The following AMPH variants were observed in gnomAD, a reference collection of about 807,000 sequenced individuals.
AMPH encodes the protein amphiphysin (Stiff-Mann syndrome with breast cancer 128kD autoantigen).
A neutral mutation model predicts 99.1 loss-of-function variants in AMPH; 49 were observed. The ratio of observed to expected loss-of-function variants is 0.49; its 90% CI spans 0.39 to 0.63. The LOEUF (loss-of-function observed/expected upper bound fraction) is 0.63. AMPH is among the 20% of genes least tolerant of loss of function. The pLI is 0.00. For synonymous variants in AMPH, 314 were observed against 317.3 expected (o/e 0.99, Z 0.11); for missense variants, 759 against 863.4 (o/e 0.88, Z 1.52).
Position 38,406,834 on chromosome 7 carries a change from ACCAGTGGCCT to A in AMPH, c.1398+10981_1398+10990del, listed in dbSNP as rs1476820044. 3.6e-5 allele frequency among the ~76,000 whole-genome samples: 5 copies of A among 140,508 alleles called. No homozygotes were observed. The East Asian group carries it at 1.1e-3, about 30-fold the overall frequency. 92.2% of individuals were successfully genotyped at this position (140,508 alleles called of 152,430 possible). On this transcript the variant is annotated intron_variant, in intron 17 of 20. Coordinates refer to ENST00000356264, the MANE Select transcript of AMPH (RefSeq NM_001635.4). ...AAAACTCAAGGTTTTGGGACTTAAC[ACCAGTGGCCT>A]CTTGGGGGTTCTCAGGCCTTTGGCA... is the stretch of plus-strand genomic sequence containing the variant.
chr7:38,388,407 A>G (rs1180865637), intron 20 of AMPH, among the ~76,000 whole-genome samples: 1 of 151,964 alleles, frequency 6.6e-6, no homozygotes, highest in African/African-American at 2.4e-5. Context: ...TCCTCTCAAA[A>G]ACCTACTTTC....
chr7:38,558,175 C>A (rs974493133), intron 1 of AMPH, among the ~76,000 whole-genome samples: 1 of 152,174 alleles, frequency 6.6e-6, no homozygotes, highest in Non-Finnish European at 1.5e-5. Context: ...AAAGAATCTT[C>A]CTGAACACTC....
At chr7:38,615,031 C>T (rs969019427) in intron 1 of AMPH, among the ~76,000 whole-genome samples, 48 of 152,106 alleles carry the variant, frequency 3.2e-4, no homozygotes, top group Admixed American at 3.9e-4. Flanking sequence ...GGAATTACTC[C>T]CCTACACTAC....
chr7:38,477,279 A>T (rs1260111488), intron 5 of AMPH, among the ~76,000 whole-genome samples: 2 of 152,104 alleles, frequency 1.3e-5, no homozygotes, highest in Non-Finnish European at 1.5e-5. Flanking sequence ...GAGAAGGCAA[A>T]ACTATACTCA....
chr7:38,558,935 C>T (rs574712678), intron 1 of AMPH, among the ~76,000 whole-genome samples: 4 of 152,332 alleles, frequency 2.6e-5, no homozygotes, highest in African/African-American at 9.6e-5. Flanking sequence ...CTTGTAGTCA[C>T]TCCTTTTAAT....
intron 1 of AMPH, among the ~76,000 whole-genome samples, chr7:38,549,717 T>C (rs892831537): frequency 6.6e-6 from 1 of 152,160 alleles, no homozygotes; most frequent in Non-Finnish European, 1.5e-5. Flanking sequence ...CTGTAAGGTA[T>C]TAGAAAAATC....
intron 10 of AMPH, among the ~76,000 whole-genome samples, chr7:38,462,206 T>A (rs1787475611): frequency 1.3e-5 from 2 of 152,202 alleles, no homozygotes. Flanking sequence ...TAGGCTAATG[T>A]TAAGCGTTCT....
intron 1 of AMPH, among the ~76,000 whole-genome samples, chr7:38,608,694 G>C (rs1468287185): frequency 6.6e-6 from 1 of 152,150 alleles, no homozygotes; most frequent in Non-Finnish European, 1.5e-5. Flanking sequence ...AGAAGGCTGA[G>C]GGCTGCAAGA....
chr7:38,481,219 C>G (rs1303683313), intron 5 of AMPH, among the ~76,000 whole-genome samples: 1 of 151,828 alleles, frequency 6.6e-6, no homozygotes, highest in Non-Finnish European at 1.5e-5. Flanking sequence ...CCCAAATCTC[C>G]TAAATAAGGG....
At position 38,417,888 on chromosome 7, in the gene AMPH, T is replaced by A. The variant is rs199697871; in HGVS notation, c.1335A>T (p.Thr445=). ...TTCCAAGGTCCAGACCAACGGCAGG[T>A]GTGACAGCAGCCAGAGGCTCCTCTG... ...PKAEEPLAAV[T]PAVGLDLGMD... Residue 445 remains threonine (T), a synonymous_variant, in exon 17 of 21, where the codon ACA becomes ACT. Transcript: ENST00000356264. 5.0e-6 allele frequency: 8 copies of A among 1,610,314 alleles called. No individual in the cohort carries two copies. The highest frequency in any genetic ancestry group is 6.8e-6 in the Non-Finnish European group (8 of 1,178,858).
chr7:38,525,277 T>TATATATAGAGAGAGAG (rs1481528083), intron 2 of AMPH, among the ~76,000 whole-genome samples: 17 of 86,650 alleles, frequency 2.0e-4, no homozygotes, highest in African/African-American at 7.1e-4. Flanking sequence ...TATATATATA[T>TATATATAGAGAGAGAG]AGAGAGAGAG....
intron 1 of AMPH, among the ~76,000 whole-genome samples, chr7:38,613,074 T>G (rs1470676778): frequency 1.3e-5 from 2 of 152,154 alleles, no homozygotes; most frequent in African/African-American, 2.4e-5. Flanking sequence ...ATTTTCTGCA[T>G]TTTGCTAAAG....
Position 38,571,171 on chromosome 7 carries a change from A to T in AMPH, c.70-36160T>A, listed in dbSNP as rs1207802604. ...TTTATGAATATATATATTTTTATAT[A>T]TTTTTATATATGAATATATATATTT... On this transcript the variant is annotated intron_variant, in intron 1 of 20. Coordinates refer to ENST00000356264, the MANE Select transcript of AMPH (RefSeq NM_001635.4). Among the ~76,000 whole-genome samples the T allele has an allele frequency of 7.7e-4, 73 of 94,660 alleles. 9 individuals are homozygous for T. The highest frequency in any genetic ancestry group is 3.1e-3 in the African/African-American group (71 of 22,714). 62.1% of individuals were successfully genotyped at this position (94,660 alleles called of 152,430 possible).
intron 1 of AMPH, among the ~76,000 whole-genome samples, chr7:38,541,050 AC>A (rs1319401363): frequency 6.6e-6 from 1 of 151,082 alleles, no homozygotes; most frequent in Non-Finnish European, 1.5e-5. Context: ...AAAGAAGAGC[AC>A]ATAAAATAAT....
intron 1 of AMPH, among the ~76,000 whole-genome samples, chr7:38,559,516 G>C (rs1424307103): frequency 2.0e-5 from 3 of 152,212 alleles, no homozygotes. Flanking sequence ...GGATCCCTGA[G>C]TCAGACTATA....
At chr7:38,582,068 T>C (rs1319304827) in intron 1 of AMPH, among the ~76,000 whole-genome samples, 1 of 152,090 alleles carries the variant, frequency 6.6e-6, no homozygotes, top group Non-Finnish European at 1.5e-5. Flanking sequence ...GGTTGAATGA[T>C]GTCCCCACAG....
At chr7:38,423,043 TGA>T (rs1351380725) in intron 15 of AMPH, among the ~76,000 whole-genome samples, 2 of 152,238 alleles carry the variant, frequency 1.3e-5, no homozygotes, top group Non-Finnish European at 2.9e-5. Flanking sequence ...CAGAATACTA[TGA>T]GAGTCATTAA....
Position 38,619,352 on chromosome 7 carries a change from G to A in AMPH, c.69+11931C>T, listed in dbSNP as rs566294891. 2.6e-5 allele frequency among the ~76,000 whole-genome samples: 4 copies of A among 152,290 alleles called. No homozygotes were observed. In the South Asian group the frequency reaches 8.3e-4, roughly 32 times the overall value. ...CAAAAGGTCAATCTATGAAGTAGAC[G>A]TAACAAATGTAACTATGCACCTAAT... On this transcript the variant is annotated intron_variant, in intron 1 of 20. Coordinates refer to ENST00000356264, the MANE Select transcript of AMPH (RefSeq NM_001635.4).
chr7:38,526,756 GT>G (rs1338399335), intron 2 of AMPH, among the ~76,000 whole-genome samples: 1 of 152,068 alleles, frequency 6.6e-6, no homozygotes, highest in Non-Finnish European at 1.5e-5. Flanking sequence ...TGCAAAGGAA[GT>G]TTTTAATTTG....
Sources: gnomAD v4.1 joint callset for allele counts (sites outside exome capture counted in the v4.1 genomes callset) on GRCh38, gnomAD v4.1.1 for gene constraint, MANE v1.5 for transcripts, NCBI Gene and HGNC (gene_info 2026-07-23, HGNC 2026-07-21) for gene names.